The following FRY variants were observed in gnomAD, a reference collection of about 807,000 sequenced individuals.
FRY encodes protein furry homolog.
FRY carries 128 observed loss-of-function variants against 348.4 expected under a neutral mutation model. That is an observed-to-expected ratio of 0.37 (90% CI 0.32 to 0.43). The LOEUF (loss-of-function observed/expected upper bound fraction) is 0.43, where lower values mean the gene tolerates loss of function less well. Ranked by LOEUF, FRY falls within the 20% of genes least tolerant of loss-of-function variation. The probability of loss-of-function intolerance (pLI) is 1.00; values close to 1 mark genes in which losing one functional copy is unlikely to be tolerated. For missense variants in FRY, 2,736 were observed against 3,695.2 expected, an observed-to-expected ratio of 0.74 and a Z score of 6.73; for synonymous variants, 1,370 against 1,374.7, an observed-to-expected ratio of 1.00 and a Z score of 0.08.
rs2138388834 is a variant in FRY at position 32,047,980 on chromosome 13, AC to A, written c.70+16118del. On this transcript the variant is annotated intron_variant, in intron 1 of 60. Coordinates refer to ENST00000542859, the MANE Select transcript of FRY (RefSeq NM_023037.3). ...GTGTGTATGAGTTTCACTCTAACTG[AC>A]CCACTTCCACTTCCCCTTCCCCTAC... Among the ~76,000 whole-genome samples the A allele has an allele frequency of 2.0e-5, 3 of 152,178 alleles. No homozygotes were observed. In the South Asian group the frequency reaches 6.2e-4, roughly 32 times the overall value.
intron 19 of FRY, among the ~76,000 whole-genome samples, chr13:32,174,974 T>C (rs548547745): frequency 1.2e-4 from 18 of 152,310 alleles, no homozygotes; most frequent in African/African-American, 3.8e-4. Context: ...TTCATTTATG[T>C]ATTATTCACA....
intron 55 of FRY, among the ~76,000 whole-genome samples, chr13:32,273,674 C>G (rs567051111): frequency 1.3e-5 from 2 of 152,300 alleles, no homozygotes; most frequent in Non-Finnish European, 1.5e-5. Flanking sequence ...CTACTTTACT[C>G]TTCAGAGGCT....
chr13:32,149,061 A>G (rs1046997367), intron 13 of FRY, among the ~76,000 whole-genome samples: 6 of 148,658 alleles, frequency 4.0e-5, no homozygotes, highest in Admixed American at 1.3e-4. Context: ...ACACACAGAT[A>G]CCTGATATAT....
At chr13:32,223,320 A>T (rs1885414491) in intron 36 of FRY, among the ~76,000 whole-genome samples, 1 of 152,200 alleles carries the variant, frequency 6.6e-6, no homozygotes, top group African/African-American at 2.4e-5. Flanking sequence ...AGAGATGGGA[A>T]TTCAACACGA....
At chr13:32,113,330 C>T (rs1017546110) in intron 3 of FRY, among the ~76,000 whole-genome samples, 17 of 152,090 alleles carry the variant, frequency 1.1e-4, no homozygotes, top group African/African-American at 4.1e-4. Flanking sequence ...GGAATGACTC[C>T]ACTGAGTAAT....
At chr13:32,293,499 C>A (rs1463014560) in intron 59 of FRY, among the ~76,000 whole-genome samples, 1 of 152,048 alleles carries the variant, frequency 6.6e-6, no homozygotes, top group Non-Finnish European at 1.5e-5. Flanking sequence ...AAATAACTTT[C>A]CAAAGTAAAC....
intron 14 of FRY, among the ~76,000 whole-genome samples, chr13:32,151,776 C>T (rs1040246170): frequency 1.3e-5 from 2 of 152,060 alleles, no homozygotes; most frequent in African/African-American, 4.8e-5. Flanking sequence ...CCTAAAATAA[C>T]CTGAAGTCGG....
At chr13:32,111,993 G>T (rs370543558) in intron 3 of FRY, among the ~76,000 whole-genome samples, 1 of 152,146 alleles carries the variant, frequency 6.6e-6, no homozygotes, top group African/African-American at 2.4e-5. Context: ...TTTGCAAGGC[G>T]CCAGGCAAAA....
chr13:32,242,111 A>C (rs866010169), intron 46 of FRY, among the ~76,000 whole-genome samples: 2 of 152,208 alleles, frequency 1.3e-5, no homozygotes, highest in Non-Finnish European at 1.5e-5. Flanking sequence ...TTTGTTGCTA[A>C]TGTTCATAAT....
At chr13:32,152,740 T>A (rs1302736805) in intron 14 of FRY, among the ~76,000 whole-genome samples, 1 of 152,052 alleles carries the variant, frequency 6.6e-6, no homozygotes, top group Non-Finnish European at 1.5e-5. Flanking sequence ...ATAAAAGTCA[T>A]AAACTATACA....
chr13:32,166,347 T>C (rs1049029978), intron 17 of FRY, among the ~76,000 whole-genome samples: 1 of 152,224 alleles, frequency 6.6e-6, no homozygotes, highest in African/African-American at 2.4e-5. Context: ...CTTTCTTTCC[T>C]GGTCTAGTTT....
chr13:32,283,750 T>C (rs955700109), intron 58 of FRY, among the ~76,000 whole-genome samples: 6 of 152,240 alleles, frequency 3.9e-5, no homozygotes, highest in Admixed American at 2.0e-4. Flanking sequence ...AAATAGGACA[T>C]AAATCAAGGC....
intron 1 of FRY, among the ~76,000 whole-genome samples, chr13:32,035,257 C>T (rs1872451316): frequency 6.6e-6 from 1 of 152,220 alleles, no homozygotes; most frequent in Non-Finnish European, 1.5e-5. Context: ...AAGAGAACTA[C>T]ATAAATAAAT....
chr13:32,179,107 A>G (rs1882543129), intron 22 of FRY, 74 bp downstream of exon 22: 2 of 1,131,086 alleles, frequency 1.8e-6, no homozygotes, highest in Non-Finnish European at 2.7e-6. Flanking sequence ...TTCACAGTGC[A>G]AATTGCACTG....
intron 55 of FRY, among the ~76,000 whole-genome samples, chr13:32,267,865 T>G (rs987457793): frequency 6.6e-6 from 1 of 152,248 alleles, no homozygotes; most frequent in African/African-American, 2.4e-5. Context: ...TGCTGTGCAC[T>G]GCAGATTTCG....
rs1886410970 is a variant in FRY at position 32,239,891 on chromosome 13, T to C, written c.6687+10T>C. 4 of 1,612,394 alleles carry C rather than the reference T, an allele frequency of 2.5e-6. No homozygotes were observed. The highest frequency in any genetic ancestry group is 1.3e-5 in the African/African-American group (1 of 74,784). On this transcript the variant is annotated intron_variant, in intron 46 of 60. Transcript: ENST00000542859. The surrounding 1 kb of genome is among the most constrained non-coding windows in gnomAD (Gnocchi z 4.3). The stretch of plus-strand genomic sequence containing the variant: ...TACCTACCTGGCAGAGGTAAGCTTT[T>C]TTTTTTTGTTTTTTGAGACAGGGTC...
At chr13:32,098,468 C>T (rs79011253) in intron 2 of FRY, among the ~76,000 whole-genome samples, 2,113 of 152,016 alleles carry the variant, frequency 0.014, 19 homozygotes, top group South Asian at 0.034. Context: ...TGTGTAATTG[C>T]ACAAGATGAT....
rs1433666694 is a variant in FRY, at chr13:32,184,981, A to C, written c.3152A>C (p.Asn1051Thr). ...ADAGVISDST[N>T]GALERDTLAL... ...TTCATTTTCCTTTATTCCAGCACAAATGGAGCCCTAGAGCGGGATACTTTA... is the reference window on the plus strand; with the variant it reads ...TTCATTTTCCTTTATTCCAGCACAACTGGAGCCCTAGAGCGGGATACTTTA... The change falls in exon 26 of 61, where the codon AAT (asparagine) becomes ACT (threonine). Residue 1051 changes from asparagine (N) to threonine (T), a missense_variant. Around this residue, in one of 9 missense-constraint regions of FRY, gnomAD observed 449 missense variants for 576.9 expected, o/e 0.78. Transcript: ENST00000542859. 6.2e-7 allele frequency: 1 copy of C among 1,613,614 alleles called. No individual in the cohort carries two copies. The highest frequency in any genetic ancestry group is 2.2e-5 in the East Asian group (1 of 44,880).
chr13:32,192,879 G>A lies in FRY; in HGVS notation c.3592-1264G>A, dbSNP rs1363801771. ...GTGCCTCAGCCTCCCCAGTAGCTGG[G>A]ATTACAGGCGCACACCACCATGTCC... is the stretch of plus-strand genomic sequence containing the variant. On this transcript the variant is annotated intron_variant, in intron 28 of 60. Coordinates refer to ENST00000542859, the MANE Select transcript of FRY (RefSeq NM_023037.3). 2.6e-5 allele frequency among the ~76,000 whole-genome samples: 4 copies of A among 151,754 alleles called. No individual in the cohort carries two copies. In the East Asian group the frequency reaches 5.8e-4, roughly 22 times the overall value.
Sources: allele counts gnomAD v4.1 joint callset (sites outside exome capture counted in the v4.1 genomes callset), GRCh38; gene constraint gnomAD v4.1.1; regional missense constraint gnomAD v4.1.1; non-coding constraint Gnocchi (gnomAD v3.1); transcripts MANE v1.5; gene names NCBI Gene and HGNC (gene_info 2026-07-23, HGNC 2026-07-21).